The following TBC1D8 variants were observed in gnomAD, a reference collection of about 807,000 sequenced individuals.
The protein encoded by TBC1D8 is BUB2-like protein 1.
TBC1D8 carries 65 observed loss-of-function variants against 118.8 expected under a neutral mutation model. That is an observed-to-expected ratio of 0.55 (90% CI 0.45 to 0.67). The LOEUF (loss-of-function observed/expected upper bound fraction) is 0.67, where lower values mean the gene tolerates loss of function less well. Ranked by LOEUF, TBC1D8 falls within the 30% of genes least tolerant of loss-of-function variation. TBC1D8 has a pLI of 0.00. For missense variants in TBC1D8, 1,376 were observed against 1,471.2 expected (o/e 0.94, Z 1.06); for synonymous variants, 566 against 595.8 (o/e 0.95, Z 0.73).
chr2:101,144,178 G>A (rs940722029), intron 1 of TBC1D8, among the ~76,000 whole-genome samples: 4 of 152,140 alleles, frequency 2.6e-5, no homozygotes, highest in African/African-American at 9.7e-5. Flanking sequence ...AGAGTGCTCT[G>A]GTGACAAGAA....
At chr2:101,062,690 T>C (rs1336305840) in intron 2 of TBC1D8, among the ~76,000 whole-genome samples, 2 of 152,216 alleles carry the variant, frequency 1.3e-5, no homozygotes, top group Non-Finnish European at 1.5e-5. Flanking sequence ...TCACCCAGGC[T>C]GAAGTTCAGT....
At chr2:101,011,751 C>G (rs898417704) in intron 17 of TBC1D8, among the ~76,000 whole-genome samples, 2 of 152,150 alleles carry the variant, frequency 1.3e-5, no homozygotes, top group African/African-American at 4.8e-5. Flanking sequence ...TGTGCCTTTT[C>G]CCAGAGGTAT....
chr2:101,132,307 C>G (rs1188816714), intron 1 of TBC1D8, among the ~76,000 whole-genome samples: 1 of 152,130 alleles, frequency 6.6e-6, no homozygotes, highest in Non-Finnish European at 1.5e-5. Flanking sequence ...TGAATGGGGA[C>G]ACTGTCCTAC....
chr2:101,105,880 C>T (rs1388892922), intron 1 of TBC1D8, among the ~76,000 whole-genome samples: 1 of 152,026 alleles, frequency 6.6e-6, no homozygotes, highest in Non-Finnish European at 1.5e-5. Context: ...ACCCAACTGA[C>T]GTAAAAACAT....
chr2:101,066,933 C>A (rs531831652), intron 2 of TBC1D8, among the ~76,000 whole-genome samples: 2 of 111,426 alleles, frequency 1.8e-5, no homozygotes, highest in Non-Finnish European at 3.4e-5. Flanking sequence ...GGCGACAGAG[C>A]GAGAGTATCC....
At chr2:101,066,899 C>A (rs569396184) in intron 2 of TBC1D8, among the ~76,000 whole-genome samples, 1 of 138,058 alleles carries the variant, frequency 7.2e-6, no homozygotes, top group Non-Finnish European at 1.5e-5. Context: ...GAGCGGAGAT[C>A]GAGTGCCACT....
intron 14 of TBC1D8, 75 bp from the exon 15 acceptor site, chr2:101,027,526 T>C: frequency 7.3e-7 from 1 of 1,374,902 alleles, no homozygotes. Context: ...GAGGGGACTC[T>C]TCCTCCTGAA....
chr2:101,012,254 A>T (rs764688636), intron 17 of TBC1D8, among the ~76,000 whole-genome samples: 1 of 152,222 alleles, frequency 6.6e-6, no homozygotes, highest in East Asian at 1.9e-4. Flanking sequence ...ACTTGTACAC[A>T]GATTGTTCAC....
chr2:101,149,150 A>G (rs1679443286), intron 1 of TBC1D8, among the ~76,000 whole-genome samples: 2 of 152,178 alleles, frequency 1.3e-5, no homozygotes, highest in African/African-American at 2.4e-5. Context: ...TTTATGGTCG[A>G]TCTTGTTGCA....
At position 101,021,697 on chromosome 2, in the gene TBC1D8, C is replaced by T. The variant is rs747946304; in HGVS notation, c.2811G>A (p.Arg937=). Residue 937 remains arginine, a synonymous_variant, in exon 17 of 20, where the codon AGG becomes AGA. Transcript: ENST00000409318. ...EMNEKIKLLY[R]LHIPPALTEN... ...CTTTCTTACCTGGAGGGATATGAAGCCTGTATAATAGTTTAATCTTCTCAT... is the reference window on the plus strand; with the variant it reads ...CTTTCTTACCTGGAGGGATATGAAGTCTGTATAATAGTTTAATCTTCTCAT... 3.1e-6 allele frequency: 5 copies of T among 1,601,152 alleles called. No individual in the cohort carries two copies. In the East Asian group the frequency reaches 6.7e-5, roughly 21 times the overall value.
intron 1 of TBC1D8, among the ~76,000 whole-genome samples, chr2:101,143,835 A>C (rs1012398264): frequency 5.3e-5 from 8 of 152,262 alleles, no homozygotes; most frequent in African/African-American, 1.9e-4. Context: ...TGCTAGGACT[A>C]CAGGCGTGAG....
intron 5 of TBC1D8, among the ~76,000 whole-genome samples, chr2:101,049,595 G>A (rs944534521): frequency 1.3e-5 from 2 of 151,912 alleles, no homozygotes; most frequent in African/African-American, 2.4e-5. Context: ...GGGCGTGGTG[G>A]TGGGCACCTG....
At chr2:101,143,008 T>C (rs1007370971) in intron 1 of TBC1D8, among the ~76,000 whole-genome samples, 5 of 151,968 alleles carry the variant, frequency 3.3e-5, no homozygotes, top group African/African-American at 1.2e-4. Context: ...TACCTTTTCA[T>C]AAGGATATCT....
intron 1 of TBC1D8, among the ~76,000 whole-genome samples, chr2:101,097,992 G>C (rs142297536): frequency 6.6e-6 from 1 of 152,244 alleles, no homozygotes; most frequent in African/African-American, 2.4e-5. Flanking sequence ...TTTTTTTAAG[G>C]AAGTATAGTT....
intron 17 of TBC1D8, among the ~76,000 whole-genome samples, chr2:101,013,470 A>C (rs1213415346): frequency 6.6e-6 from 1 of 152,232 alleles, no homozygotes; most frequent in African/African-American, 2.4e-5. Flanking sequence ...AATTTCTATT[A>C]AAGTGTTCAT....
At position 101,040,313 on chromosome 2, in the gene TBC1D8, G is replaced by T; in HGVS notation, c.945C>A (p.His315Gln). The change falls in exon 6 of 20, where the codon CAC (histidine) becomes CAA (glutamine). Residue 315 changes from histidine to glutamine, a missense_variant. Transcript: ENST00000409318. ...TCCAGAGCGAACAGTCCACAACCGCGTGCAGCTTCTCCTTCCTCGGCAACC... is the reference window on the plus strand; with the variant it reads ...TCCAGAGCGAACAGTCCACAACCGCTTGCAGCTTCTCCTTCCTCGGCAACC... Reference protein sequence around the residue: ...FFRLPRKEKLHAVVDCSLWTP... With the variant: ...FFRLPRKEKLQAVVDCSLWTP... 1 of 1,613,966 alleles carries T rather than the reference G, an allele frequency of 6.2e-7. No homozygotes were observed. Among genetic ancestry groups the T allele is most frequent in the Non-Finnish European group, 8.5e-7 (1 of 1,179,888 alleles).
chr2:101,011,440 G>A lies in TBC1D8; in HGVS notation c.2917+11C>T. The A allele has an allele frequency of 6.2e-7, 1 of 1,613,786 alleles. No individual in the cohort carries two copies. The highest frequency in any genetic ancestry group is 8.5e-7 in the Non-Finnish European group (1 of 1,179,680). ...ATGCAGGGGAAAGCAACAATGAAAA[G>A]AGGTACGTGCCATTGGGTTTCCCGA... On this transcript the variant is annotated intron_variant, in intron 18 of 19. Transcript: ENST00000409318.
intron 1 of TBC1D8, among the ~76,000 whole-genome samples, chr2:101,139,374 C>G (rs1679001035): frequency 6.6e-6 from 1 of 152,092 alleles, no homozygotes; most frequent in African/African-American, 2.4e-5. Context: ...CTGCCTTCAT[C>G]CGCCATCCCT....
At chr2:101,107,200 G>C (rs1484750418) in intron 1 of TBC1D8, among the ~76,000 whole-genome samples, 1 of 152,176 alleles carries the variant, frequency 6.6e-6, no homozygotes, top group Non-Finnish European at 1.5e-5. Context: ...TAATGAACTA[G>C]AGTCAGAGAC....
Sources: allele counts gnomAD v4.1 joint callset (sites outside exome capture counted in the v4.1 genomes callset), GRCh38; gene constraint gnomAD v4.1.1; transcripts MANE v1.5; gene names NCBI Gene and HGNC (gene_info 2026-07-23, HGNC 2026-07-21).